Variants in RNF217 observed in about 807,000 individuals in gnomAD.
RNF217 encodes the protein E3 ubiquitin-protein ligase RNF217.
RNF217 carries 31 observed loss-of-function variants against 57.8 expected under a neutral mutation model. That is an observed-to-expected ratio of 0.54 (90% CI 0.40 to 0.72). The LOEUF (loss-of-function observed/expected upper bound fraction) is 0.72, where lower values mean the gene tolerates loss of function less well. Among genes scored for constraint, RNF217 ranks in the 30% least tolerant of loss-of-function variants. The pLI is 0.00. For missense variants in RNF217, 696 were observed against 708.3 expected (o/e 0.98, Z 0.20); for synonymous variants, 313 against 294.0 (o/e 1.06, Z -0.66).
chr6:124,988,034 G>A (rs530868318), intron 1 of RNF217, among the ~76,000 whole-genome samples: 2 of 152,200 alleles, frequency 1.3e-5, no homozygotes, highest in Non-Finnish European at 2.9e-5. Flanking sequence ...GATAATGCTC[G>A]GGTGAGCGAG....
chr6:124,966,889 CTG>C (rs1296994985), intron 1 of RNF217, among the ~76,000 whole-genome samples: 1 of 152,180 alleles, frequency 6.6e-6, no homozygotes. Context: ...CCTCTATGCT[CTG>C]TATAAAATTA....
chr6:125,081,282 C>G (rs1218176223), intron 4 of RNF217, among the ~76,000 whole-genome samples, 154 bp from the exon 5 acceptor site: 1 of 152,004 alleles, frequency 6.6e-6, no homozygotes, highest in Admixed American at 6.6e-5. Flanking sequence ...TGTTCTATAC[C>G]TAATCCTGAT....
chr6:125,016,906 A>G (rs748196770), intron 1 of RNF217, among the ~76,000 whole-genome samples: 10 of 152,184 alleles, frequency 6.6e-5, no homozygotes, highest in Non-Finnish European at 1.5e-4. Context: ...CGTTCTGCAC[A>G]TGTATCACAT....
intron 1 of RNF217, among the ~76,000 whole-genome samples, chr6:124,974,365 C>A (rs919595136): frequency 6.6e-6 from 1 of 152,106 alleles, no homozygotes; most frequent in African/African-American, 2.4e-5. Context: ...TCATATCATT[C>A]TATTGGTAAA....
At chr6:125,059,652 A>G (rs1283566639) in intron 3 of RNF217, among the ~76,000 whole-genome samples, 1 of 152,222 alleles carries the variant, frequency 6.6e-6, no homozygotes, top group Non-Finnish European at 1.5e-5. Context: ...CAAAATACAT[A>G]CATTTGTTAC....
rs1173362400 is a variant in RNF217 at position 125,076,710 on chromosome 6, C to T, written c.1335C>T (p.Asn445=). 1 of 1,613,476 alleles carries T rather than the reference C, an allele frequency of 6.2e-7. No individual in the cohort carries two copies. The highest frequency in any genetic ancestry group is 1.1e-5 in the South Asian group (1 of 91,066). The stretch of plus-strand genomic sequence containing the variant: ...ACCATATGACCTGCTCACAATGTAA[C>T]ACTAATTTTTGTTACCGATGTGGTG... ...GCDHMTCSQC[N]TNFCYRCGER... The change falls in exon 4 of 6, where the codon AAC becomes AAT. Residue 445 remains asparagine, a synonymous_variant. Coordinates refer to ENST00000521654, the MANE Select transcript of RNF217 (RefSeq NM_001286398.3).
chr6:125,066,009 C>CA (rs1787923568), intron 3 of RNF217, among the ~76,000 whole-genome samples: 1 of 152,178 alleles, frequency 6.6e-6, no homozygotes, highest in Non-Finnish European at 1.5e-5. Flanking sequence ...CTTCCAGCTG[C>CA]TCAGGCCAAG....
At chr6:125,018,287 A>G (rs927290379) in intron 1 of RNF217, among the ~76,000 whole-genome samples, 1 of 152,156 alleles carries the variant, frequency 6.6e-6, no homozygotes, top group Non-Finnish European at 1.5e-5. Flanking sequence ...CTTTATTTTT[A>G]TAAGATCAGG....
At chr6:124,981,740 C>T (rs577758211) in intron 1 of RNF217, among the ~76,000 whole-genome samples, 3 of 151,792 alleles carry the variant, frequency 2.0e-5, no homozygotes, top group South Asian at 2.1e-4. Context: ...AGATCTTGGC[C>T]GAGGGCGGTG....
chr6:125,022,121 G>A (rs182142992), intron 1 of RNF217, among the ~76,000 whole-genome samples: 2 of 151,972 alleles, frequency 1.3e-5, no homozygotes, highest in Admixed American at 6.6e-5. Context: ...TACCTTAGGT[G>A]ACCACCTACC....
At chr6:125,046,063 G>A (rs1404522422) in intron 2 of RNF217, among the ~76,000 whole-genome samples, 3 of 152,058 alleles carry the variant, frequency 2.0e-5, no homozygotes, top group African/African-American at 7.2e-5. Flanking sequence ...GGAGGGTTAG[G>A]CTCTAGGATG....
chr6:125,056,335 C>T (rs1787522233), intron 2 of RNF217, among the ~76,000 whole-genome samples: 3 of 152,070 alleles, frequency 2.0e-5, no homozygotes, highest in Admixed American at 2.0e-4. Context: ...TACCTTCCAG[C>T]ATTATTTTGA....
intron 1 of RNF217, among the ~76,000 whole-genome samples, chr6:124,984,106 G>A (rs1253726921): frequency 6.6e-6 from 1 of 152,160 alleles, no homozygotes; most frequent in Non-Finnish European, 1.5e-5. Flanking sequence ...ATTTTAGGGA[G>A]AAGCAAACAT....
intron 1 of RNF217, among the ~76,000 whole-genome samples, chr6:125,030,965 C>T (rs538027517): frequency 1.3e-5 from 2 of 152,360 alleles, no homozygotes; most frequent in African/African-American, 2.4e-5. Flanking sequence ...CCGGGCGTTT[C>T]CCTACATCTT....
chr6:124,980,655 A>C lies in RNF217; in HGVS notation c.882+17229A>C, dbSNP rs142777108. Among the ~76,000 whole-genome samples the C allele has an allele frequency of 3.6e-3, 550 of 152,210 alleles. 1 individual carries two copies. The highest frequency in any genetic ancestry group is 0.013 in the African/African-American group (530 of 41,520). On this transcript the variant is annotated intron_variant, in intron 1 of 5. Transcript: ENST00000521654. ...TGGGGTCATGGCTTAACCATACAAT[A>C]GCTGTTTTGATCGTGCCTGTCCTTT...
intron 1 of RNF217, among the ~76,000 whole-genome samples, chr6:124,976,649 G>A (rs1442520168): frequency 1.3e-5 from 2 of 151,818 alleles, no homozygotes; most frequent in East Asian, 1.9e-4. Flanking sequence ...ACAGGTGTGT[G>A]CCACCACACC....
At chr6:124,972,090 T>G (rs988185433) in intron 1 of RNF217, among the ~76,000 whole-genome samples, 3 of 152,174 alleles carry the variant, frequency 2.0e-5, no homozygotes, top group Admixed American at 1.3e-4. Context: ...TAAATCCCCC[T>G]TTCCTCCCCT....
chr6:125,006,338 A>G (rs1202743606), intron 1 of RNF217, among the ~76,000 whole-genome samples: 1 of 152,160 alleles, frequency 6.6e-6, no homozygotes, highest in Non-Finnish European at 1.5e-5. Context: ...GATTAATAAT[A>G]CTCAACTCCT....
chr6:124,975,171 G>A (rs1783912264), intron 1 of RNF217, among the ~76,000 whole-genome samples: 1 of 151,948 alleles, frequency 6.6e-6, no homozygotes, highest in African/African-American at 2.4e-5. Context: ...ATGATTATTG[G>A]CCACACTCAG....
Sources: gnomAD v4.1 joint callset for allele counts (sites outside exome capture counted in the v4.1 genomes callset) on GRCh38, gnomAD v4.1.1 for gene constraint, MANE v1.5 for transcripts, NCBI Gene and HGNC (gene_info 2026-07-23, HGNC 2026-07-21) for gene names.